TTC17: variants seen among roughly 807,000 people sequenced by gnomAD.
TTC17 encodes tetratricopeptide repeat domain 17, also known as tetratricopeptide repeat protein 17.
TTC17 carries 58 observed loss-of-function variants against 143.8 expected under a neutral mutation model. The ratio of observed to expected loss-of-function variants is 0.40; its 90% CI spans 0.33 to 0.50. The LOEUF is 0.50. Ranked by LOEUF, TTC17 falls within the 20% of genes least tolerant of loss-of-function variation. The pLI, the probability that TTC17 is intolerant of heterozygous loss-of-function variation, is 0.49. For synonymous variants in TTC17, 501 were observed against 497.8 expected, an observed-to-expected ratio of 1.01 and a Z score of -0.09; for missense variants, 1,273 against 1,392.5, an observed-to-expected ratio of 0.91 and a Z score of 1.37.
At chr11:43,373,145 G>A (rs550935605) in intron 1 of TTC17, among the ~76,000 whole-genome samples, 1 of 151,934 alleles carries the variant, frequency 6.6e-6, no homozygotes, top group African/African-American at 2.4e-5. Flanking sequence ...ATGGTACTGT[G>A]TTTGTTTTTA....
intron 21 of TTC17, among the ~76,000 whole-genome samples, chr11:43,464,787 A>C (rs1292888732): frequency 6.6e-6 from 1 of 152,200 alleles, no homozygotes; most frequent in Non-Finnish European, 1.5e-5. Flanking sequence ...TGATCTGGGC[A>C]GAGAAACCAA....
At chr11:43,369,583 T>C (rs1162886609) in intron 1 of TTC17, among the ~76,000 whole-genome samples, 1 of 152,118 alleles carries the variant, frequency 6.6e-6, no homozygotes, top group East Asian at 1.9e-4. Flanking sequence ...CTTTGATGAC[T>C]TGATATCCTG....
intron 7 of TTC17, 97 bp downstream of exon 7, chr11:43,397,588 C>A: frequency 7.7e-7 from 1 of 1,291,882 alleles, no homozygotes. Flanking sequence ...TTTTTCCATT[C>A]CTTTTTTGGT....
Position 43,492,037 on chromosome 11 carries a change from C to A in TTC17, c.3168C>A (p.Ser1056Arg). ...TCTCCCAGGATGTGCCCCTGATTAG[C>A]CTGGCCAACATCTTGCACAATGCCA... ...PHQMKDVPLI[S>R]LANILHNAKL... The change falls in exon 23 of 24, where the codon AGC becomes AGA. Residue 1056 changes from serine to arginine, a missense_variant. This residue lies in a region of TTC17 where 878 missense variants were observed against 899.8 expected (regional missense o/e 0.98). Coordinates refer to ENST00000039989, the MANE Select transcript of TTC17 (RefSeq NM_018259.6). The A allele has an allele frequency of 6.2e-7, 1 of 1,614,060 alleles. No homozygotes were observed. The highest frequency in any genetic ancestry group is 2.2e-5 in the East Asian group (1 of 44,876).
intron 1 of TTC17, among the ~76,000 whole-genome samples, chr11:43,372,306 A>G (rs16937467): frequency 0.23 from 33,886 of 150,176 alleles, 5,669 homozygotes; most frequent in African/African-American, 0.46. Context: ...AAAAAGGTTC[A>G]TGGGTTTTTT....
In TTC17 at chr11:43,389,737, C is replaced by G. The variant is rs773976838; in HGVS notation, c.335C>G (p.Pro112Arg). The G allele has an allele frequency of 6.2e-7, 1 of 1,614,026 alleles. No individual in the cohort carries two copies. The highest frequency in any genetic ancestry group is 8.5e-7 in the Non-Finnish European group (1 of 1,179,944). Residue 112 changes from proline to arginine, a missense_variant, in exon 3 of 24, where the codon CCA (proline) becomes CGA (arginine). By Grantham distance (103) the Pro-to-Arg change is moderately radical (BLOSUM62 -2). Transcript: ENST00000039989. ...GAACAGAGACATAATAAAGAAGACC[C>G]AGACTGCATCAAAGCCAAGGTGCCC... is the stretch of plus-strand genomic sequence containing the variant. ...GLEQRHNKEDPDCIKAKVPLG... is the reference protein window; with the variant it reads ...GLEQRHNKEDRDCIKAKVPLG...
At chr11:43,442,241 A>G (rs1335744864) in intron 16 of TTC17, among the ~76,000 whole-genome samples, 1 of 152,236 alleles carries the variant, frequency 6.6e-6, no homozygotes, top group Admixed American at 6.5e-5. Flanking sequence ...TATGCAGTTC[A>G]TCATTGACCA....
chr11:43,450,094 C>T lies in TTC17; in HGVS notation c.2799C>T (p.His933=). ...VSSKNIDITE[H]IDFATPIQQP... is the part of the protein sequence containing the mutation. ...CTCCATTTTTCAGCATCACAGAACACATAGATTTTGCCACCCCTATACAGC... is the reference window on the plus strand; with the variant it reads ...CTCCATTTTTCAGCATCACAGAACATATAGATTTTGCCACCCCTATACAGC... The change falls in exon 20 of 24, where the codon CAC becomes CAT. Residue 933 remains histidine (H), a synonymous_variant. Transcript: ENST00000039989. 2 of 1,613,812 alleles carry T rather than the reference C, an allele frequency of 1.2e-6. No individual in the cohort carries two copies. The highest frequency in any genetic ancestry group is 2.2e-5 in the South Asian group (2 of 91,020).
intron 16 of TTC17, among the ~76,000 whole-genome samples, chr11:43,439,082 T>C (rs1220637757): frequency 1.3e-5 from 2 of 152,224 alleles, no homozygotes; most frequent in Admixed American, 1.3e-4. Context: ...CCTGCCTACC[T>C]TCCTTTCCTA....
chr11:43,407,278 A>G (rs958553425), intron 14 of TTC17, 63 bp downstream of exon 14: 1 of 1,564,342 alleles, frequency 6.4e-7, no homozygotes, highest in African/African-American at 1.4e-5. Context: ...AAAAGTTAAA[A>G]TGCACTTATT....
At chr11:43,367,874 T>C (rs1012295637) in intron 1 of TTC17, among the ~76,000 whole-genome samples, 3 of 152,202 alleles carry the variant, frequency 2.0e-5, no homozygotes, top group African/African-American at 7.2e-5. Context: ...CCAGAGCCTA[T>C]GCTCAGTTCT....
intron 2 of TTC17, among the ~76,000 whole-genome samples, chr11:43,380,023 A>C (rs575984360): frequency 6.6e-6 from 1 of 152,200 alleles, no homozygotes; most frequent in Non-Finnish European, 1.5e-5. Flanking sequence ...TAGAAACATT[A>C]AATCAAATTG....
chr11:43,491,440 T>C (rs1948472788), intron 22 of TTC17: 1 of 152,340 alleles, frequency 6.6e-6, no homozygotes, highest in Non-Finnish European at 1.5e-5. Context: ...AATAAAACAC[T>C]TGGACTCTGG....
chr11:43,404,873 T>C (rs1463868451), intron 11 of TTC17, among the ~76,000 whole-genome samples: 1 of 152,200 alleles, frequency 6.6e-6, no homozygotes, highest in Non-Finnish European at 1.5e-5. Flanking sequence ...TGTTAAACTT[T>C]GGCATTGGCA....
intron 16 of TTC17, among the ~76,000 whole-genome samples, chr11:43,439,538 G>A (rs1403320019): frequency 6.7e-6 from 1 of 149,884 alleles, no homozygotes; most frequent in African/African-American, 2.5e-5. Flanking sequence ...CGCAATCTCA[G>A]CTCACTGCAA....
At position 43,493,847 on chromosome 11, in the gene TTC17, C is replaced by T. The variant is rs1036670588; in HGVS notation, c.3369C>T (p.Asn1123=). The T allele has an allele frequency of 6.2e-7, 1 of 1,614,070 alleles. No homozygotes were observed. The highest frequency in any genetic ancestry group is 8.5e-7 in the Non-Finnish European group (1 of 1,179,992). The part of the protein sequence containing the change: ...KLQPEFVPAK[N]RIQTIQCHLM... ...AGCCCGAGTTTGTCCCAGCCAAGAA[C>T]CGAATCCAGACCATCCAGTGTCACT... Residue 1123 remains asparagine, a synonymous_variant, in exon 24 of 24, where the codon AAC becomes AAT. Transcript: ENST00000039989.
chr11:43,404,339 T>G (rs2134582508), intron 11 of TTC17, among the ~76,000 whole-genome samples, 195 bp downstream of exon 11: 1 of 152,316 alleles, frequency 6.6e-6, no homozygotes, highest in Non-Finnish European at 1.5e-5. Flanking sequence ...TGCCTTGAGT[T>G]TTTCCCAGTC....
At chr11:43,459,877 TATAAC>T (rs1475293457) in intron 21 of TTC17, among the ~76,000 whole-genome samples, 1 of 152,224 alleles carries the variant, frequency 6.6e-6, no homozygotes, top group Non-Finnish European at 1.5e-5. Context: ...CTTTGTTCAA[TATAAC>T]ATAATGCAAG....
At chr11:43,409,046 A>G (rs1858280245) in intron 15 of TTC17, among the ~76,000 whole-genome samples, 1 of 152,062 alleles carries the variant, frequency 6.6e-6, no homozygotes, top group Non-Finnish European at 1.5e-5. Flanking sequence ...CCCGGCCCCA[A>G]AAATGTTCCT....
Sources: gnomAD v4.1 joint callset for allele counts (sites outside exome capture counted in the v4.1 genomes callset) on GRCh38, gnomAD v4.1.1 for gene constraint, gnomAD v4.1.1 regional missense constraint, MANE v1.5 for transcripts, NCBI Gene and HGNC (gene_info 2026-07-23, HGNC 2026-07-21) for gene names.